Variants in TDRD9 observed in about 807,000 individuals in gnomAD.
TDRD9 encodes the protein tudor domain containing 9.
TDRD9 carries 124 observed loss-of-function variants against 172.6 expected under a neutral mutation model. That is an observed-to-expected ratio of 0.72 (90% CI 0.62 to 0.83). The LOEUF (loss-of-function observed/expected upper bound fraction) is 0.83, where lower values mean the gene tolerates loss of function less well. Among genes scored for constraint, TDRD9 ranks in the 40% least tolerant of loss-of-function variants. The pLI, the probability that TDRD9 is intolerant of heterozygous loss-of-function variation, is 0.00. For missense variants in TDRD9, 1,479 were observed against 1,714.1 expected, an observed-to-expected ratio of 0.86 and a Z score of 2.42; for synonymous variants, 619 against 617.1, an observed-to-expected ratio of 1.00 and a Z score of -0.05.
At chr14:103,989,837 A>G (rs2033804221) in intron 8 of TDRD9, among the ~76,000 whole-genome samples, 1 of 152,188 alleles carries the variant, frequency 6.6e-6, no homozygotes, top group South Asian at 2.1e-4. Context: ...GGGACTGGAG[A>G]AGGAGGCTGG....
At chr14:103,979,896 G>A (rs1212319892) in intron 7 of TDRD9, among the ~76,000 whole-genome samples, 2 of 148,400 alleles carry the variant, frequency 1.3e-5, no homozygotes, top group African/African-American at 5.0e-5. Context: ...TTTTCTTTGA[G>A]ATTGGGTCTT....
At chr14:103,973,106 C>T (rs2033101914) in intron 6 of TDRD9, among the ~76,000 whole-genome samples, 1 of 152,140 alleles carries the variant, frequency 6.6e-6, no homozygotes, top group Admixed American at 6.5e-5. Flanking sequence ...GAATTTGGTA[C>T]TTATAAGTTG....
intron 2 of TDRD9, among the ~76,000 whole-genome samples, chr14:103,960,231 A>G (rs1185133054): frequency 6.7e-6 from 1 of 150,202 alleles, no homozygotes; most frequent in Non-Finnish European, 1.5e-5. Flanking sequence ...ATAAGTCTTA[A>G]GTTCACCATG....
chr14:103,965,650 A>G (rs2032709358), intron 4 of TDRD9, 96 bp downstream of exon 4: 2 of 1,118,070 alleles, frequency 1.8e-6, no homozygotes, highest in African/African-American at 3.1e-5. Context: ...ATAGTATGTG[A>G]CCATTTTCTG....
intron 35 of TDRD9, among the ~76,000 whole-genome samples, chr14:104,050,274 C>A (rs748108335): frequency 1.3e-5 from 2 of 152,102 alleles, no homozygotes; most frequent in Non-Finnish European, 1.5e-5. Flanking sequence ...TCCTTGGGGT[C>A]CCACCCTTGT....
chr14:103,943,162 G>A (rs923699873), intron 1 of TDRD9, among the ~76,000 whole-genome samples: 1 of 151,160 alleles, frequency 6.6e-6, no homozygotes, highest in Admixed American at 6.6e-5. Flanking sequence ...ACAGAGTCAC[G>A]TTGTGTCACC....
In TDRD9 at chr14:103,928,498, T is replaced by C. The variant is rs9324065; in HGVS notation, c.-12T>C. The C allele has an allele frequency of 1, 1,428,527 of 1,429,136 alleles. 713,964 individuals carry two copies. Among genetic ancestry groups the C allele is most frequent in the Middle Eastern group, 1 (5,256 of 5,256 alleles). 88.5% of individuals were successfully genotyped at this position (1,429,136 alleles called of 1,614,324 possible). ...CCGGCAGTTGGGGGATGCCGACGCC[T>C]GGGCCTTGAGGATGCTGCGGAAGCT... On this transcript the variant is annotated 5_prime_UTR_variant, in exon 1 of 36. Transcript: ENST00000409874.
Position 103,928,519 on chromosome 14 carries a change from A to C in TDRD9, c.10A>C (p.Lys4Gln). Residue 4 changes from lysine to glutamine, a missense_variant, in exon 1 of 36, where the codon AAG becomes CAG. This residue lies in a region of TDRD9 where 63 missense variants were observed against 48.4 expected (regional missense o/e 1.30). Transcript: ENST00000409874. ...CGCCTGGGCCTTGAGGATGCTGCGG[A>C]AGCTCACCATCGAGCAGATCAACGA... is the stretch of plus-strand genomic sequence containing the variant. MLR[K>Q]LTIEQINDWF... is the part of the protein sequence containing the mutation. 1 of 1,425,228 alleles carries C rather than the reference A, an allele frequency of 7.0e-7. No homozygotes were observed. Among genetic ancestry groups the C allele is most frequent in the South Asian group, 1.3e-5 (1 of 74,412 alleles). 88.3% of individuals were successfully genotyped at this position (1,425,228 alleles called of 1,614,324 possible).
At chr14:104,024,902 C>A (rs1159844533) in intron 25 of TDRD9, among the ~76,000 whole-genome samples, 1 of 151,852 alleles carries the variant, frequency 6.6e-6, no homozygotes, top group East Asian at 1.9e-4. Flanking sequence ...ATTCTAGAAT[C>A]AAAGTTAATT....
Position 103,963,143 on chromosome 14 carries a change from T to G in TDRD9, c.387T>G (p.Tyr129Ter), listed in dbSNP as rs1226661190. 1 of 1,549,444 alleles carries G rather than the reference T, an allele frequency of 6.5e-7. No homozygotes were observed. Among genetic ancestry groups the G allele is most frequent in the East Asian group, 2.4e-5 (1 of 40,834 alleles). The change falls in exon 3 of 36, where the codon TAT becomes TAG. Residue 129 changes from tyrosine to a stop codon, truncating the protein, a stop_gained. Transcript: ENST00000409874. LOFTEE classifies it high-confidence loss of function. ...GCATCCCAGGGACAACTTATAAATA[T>G]CCTGATTTGCCTATAAGTCGATACA... ...VTCIPGTTYKYPDLPISRYKE... is the reference protein window; with the variant it reads ...VTCIPGTTYK
chr14:103,997,605 C>A lies in TDRD9; in HGVS notation c.1379-1019C>A, dbSNP rs771246066. ...GGCGGGGGCGTCAGCCCGTGACTGG[C>A]GTTGGAAGGCAGGAACCTGGCCAAG... On this transcript the variant is annotated intron_variant, in intron 12 of 35. Coordinates refer to ENST00000409874, the MANE Select transcript of TDRD9 (RefSeq NM_153046.3). The surrounding 1 kb of genome is among the most constrained non-coding windows in gnomAD (Gnocchi z 5.1). Among the ~76,000 whole-genome samples the A allele has an allele frequency of 3.3e-5, 5 of 152,130 alleles. No individual in the cohort carries two copies. The highest frequency in any genetic ancestry group is 1.2e-4 in the African/African-American group (5 of 41,416).
chr14:104,044,018 G>T (rs991991840), intron 34 of TDRD9, among the ~76,000 whole-genome samples: 15 of 152,304 alleles, frequency 9.8e-5, no homozygotes, highest in African/African-American at 3.6e-4. Context: ...GCTTAAGCCT[G>T]TGTGTCATAC....
intron 27 of TDRD9, 39 bp from the exon 28 acceptor site, chr14:104,026,640 T>A (rs757855121): frequency 6.2e-7 from 1 of 1,602,540 alleles, no homozygotes; most frequent in Non-Finnish European, 8.5e-7. Flanking sequence ...TTTTGCTTAT[T>A]TATAAAGCTG....
intron 2 of TDRD9, among the ~76,000 whole-genome samples, chr14:103,961,822 G>A (rs76175323): frequency 0.023 from 3,519 of 152,204 alleles, 78 homozygotes; most frequent in East Asian, 0.071. Context: ...GGGAATATAT[G>A]TAGGGAAAAG....
At chr14:104,000,435 C>G (rs1171486508) in intron 13 of TDRD9, among the ~76,000 whole-genome samples, 1 of 151,952 alleles carries the variant, frequency 6.6e-6, no homozygotes, top group Non-Finnish European at 1.5e-5. Flanking sequence ...CTGTAAACAC[C>G]TCACTATGTT....
chr14:103,939,687 T>G (rs1420247858), intron 1 of TDRD9: 23 of 144,890 alleles, frequency 1.6e-4, no homozygotes, highest in African/African-American at 4.8e-4. Context: ...GTTTTTTTTT[T>G]TTTTTTTTTT....
At chr14:104,038,128 G>T (rs1019395775) in intron 32 of TDRD9, among the ~76,000 whole-genome samples, 1 of 152,256 alleles carries the variant, frequency 6.6e-6, no homozygotes, top group East Asian at 1.9e-4. Context: ...GCTGGCCATG[G>T]TTTAGAGGCT....
At chr14:103,985,240 T>G in intron 7 of TDRD9, among the ~76,000 whole-genome samples, 1 of 152,088 alleles carries the variant, frequency 6.6e-6, no homozygotes, top group East Asian at 1.9e-4. Flanking sequence ...AATGATATGG[T>G]TTAGCTGTGT....
At chr14:103,944,796 T>C (rs1367683735) in intron 1 of TDRD9, among the ~76,000 whole-genome samples, 1 of 152,064 alleles carries the variant, frequency 6.6e-6, no homozygotes, top group East Asian at 1.9e-4. Flanking sequence ...AACTCCTGAC[T>C]TCAAGTGATC....
Sources: allele counts gnomAD v4.1 joint callset (sites outside exome capture counted in the v4.1 genomes callset), GRCh38; gene constraint gnomAD v4.1.1; regional missense constraint gnomAD v4.1.1; non-coding constraint Gnocchi (gnomAD v3.1); transcripts MANE v1.5; gene names NCBI Gene and HGNC (gene_info 2026-07-23, HGNC 2026-07-21).